MAPK8: variants seen among roughly 807,000 people sequenced by gnomAD.
The protein encoded by MAPK8 is mitogen-activated protein kinase 8, also known as JUN N-terminal kinase.
In MAPK8, 13 loss-of-function variants were observed where a neutral mutation model predicts 52.9. That is an observed-to-expected ratio of 0.25 (90% CI 0.16 to 0.39). The LOEUF (loss-of-function observed/expected upper bound fraction) is 0.39, where lower values mean the gene tolerates loss of function less well. Among genes scored for constraint, MAPK8 ranks in the 10% least tolerant of loss-of-function variants. The pLI is 1.00. For synonymous variants in MAPK8, 191 were observed against 169.8 expected (o/e 1.12, Z -0.97); for missense variants, 300 against 519.2 (o/e 0.58, Z 4.10).
rs1169167863 is a variant in MAPK8 at position 48,438,548 on chromosome 10, A to G, written c.*3519A>G. ...ATTCTCTTCGTTACTGAAACTTTTG[A>G]GAAATATTACCTGTGGATTAATTTT... On this transcript the variant is annotated 3_prime_UTR_variant, in exon 12 of 12. Transcript: ENST00000374189. 1 of 152,182 alleles carries G rather than the reference A, an allele frequency of 6.6e-6. No homozygotes were observed. The highest frequency in any genetic ancestry group is 1.9e-4 in the East Asian group (1 of 5,198). 9.4% of individuals were successfully genotyped at this position (152,182 alleles called of 1,614,324 possible).
intron 1 of MAPK8, among the ~76,000 whole-genome samples, chr10:48,367,625 T>C (rs938519569): frequency 1.3e-5 from 2 of 152,156 alleles, no homozygotes; most frequent in African/African-American, 4.8e-5. Context: ...TCTTCACTTA[T>C]GTTGAGTTGC....
At chr10:48,384,212 A>G (rs1160407355) in intron 1 of MAPK8, among the ~76,000 whole-genome samples, 2 of 152,332 alleles carry the variant, frequency 1.3e-5, no homozygotes, top group Non-Finnish European at 2.9e-5. Flanking sequence ...AGATCACGCT[A>G]GTGCACTCCA....
chr10:48,422,069 G>A (rs532754775), intron 6 of MAPK8, among the ~76,000 whole-genome samples: 2 of 151,020 alleles, frequency 1.3e-5, no homozygotes, highest in African/African-American at 4.9e-5. Context: ...GTCTCACTCT[G>A]TTGCCCAGGC....
At chr10:48,422,063 C>T (rs953024573) in intron 6 of MAPK8, among the ~76,000 whole-genome samples, 10 of 147,300 alleles carry the variant, frequency 6.8e-5, no homozygotes, top group Non-Finnish European at 1.3e-4. Context: ...GATGGAGTCT[C>T]ACTCTGTTGC....
intron 1 of MAPK8, among the ~76,000 whole-genome samples, chr10:48,330,690 C>T (rs560988794): frequency 3.1e-4 from 47 of 152,310 alleles, no homozygotes; most frequent in Non-Finnish European, 6.2e-4. Context: ...TCTCCTAGCA[C>T]GCAGGTCTCT....
At chr10:48,401,057 G>A (rs2132967966) in intron 1 of MAPK8, among the ~76,000 whole-genome samples, 1 of 152,300 alleles carries the variant, frequency 6.6e-6, no homozygotes, top group Non-Finnish European at 1.5e-5. Flanking sequence ...CCAGGAGGTT[G>A]CCTTGGCAGG....
intron 6 of MAPK8, among the ~76,000 whole-genome samples, 161 bp downstream of exon 6, chr10:48,420,481 T>A (rs574763462): frequency 6.6e-6 from 1 of 152,304 alleles, no homozygotes; most frequent in South Asian, 2.1e-4. Context: ...AATTTTTTCA[T>A]CAATGTTTGG....
intron 1 of MAPK8, among the ~76,000 whole-genome samples, chr10:48,382,728 G>A (rs2132746768): frequency 6.8e-6 from 1 of 147,460 alleles, no homozygotes; most frequent in East Asian, 2.0e-4. Context: ...AAACATAAAG[G>A]CCTTTCTTCT....
At chr10:48,426,157 C>T (rs913632955) in intron 8 of MAPK8, 87 bp downstream of exon 8, 17 of 1,215,504 alleles carry the variant, frequency 1.4e-5, no homozygotes, top group Non-Finnish European at 1.6e-5. Context: ...TATTCATATT[C>T]TTATGGGACA....
chr10:48,347,937 G>A (rs1157543567), intron 1 of MAPK8, among the ~76,000 whole-genome samples: 1 of 152,128 alleles, frequency 6.6e-6, no homozygotes, highest in African/African-American at 2.4e-5. Flanking sequence ...TGGGTCAAAT[G>A]GTGTTTCTGG....
chr10:48,370,135 A>G (rs895232982), intron 1 of MAPK8, among the ~76,000 whole-genome samples: 1 of 152,194 alleles, frequency 6.6e-6, no homozygotes, highest in Non-Finnish European at 1.5e-5. Flanking sequence ...TTACATTGTA[A>G]TGGTGAAGAG....
At chr10:48,377,839 T>G (rs1408848357) in intron 1 of MAPK8, among the ~76,000 whole-genome samples, 1 of 152,192 alleles carries the variant, frequency 6.6e-6, no homozygotes, top group African/African-American at 2.4e-5. Flanking sequence ...AAAAGTTGCT[T>G]ATCAGGAATT....
chr10:48,434,667 G>A (rs187800384), intron 11 of MAPK8, among the ~76,000 whole-genome samples: 144 of 152,274 alleles, frequency 9.5e-4, no homozygotes, highest in African/African-American at 3.4e-3. Flanking sequence ...TGAAAGGATA[G>A]GACTCCACGA....
intron 1 of MAPK8, among the ~76,000 whole-genome samples, chr10:48,393,728 A>G (rs1030599883): frequency 2.0e-5 from 3 of 152,098 alleles, no homozygotes; most frequent in Admixed American, 6.6e-5. Context: ...AAATGCTTAT[A>G]TTATAAAAAG....
At chr10:48,427,315 T>G in intron 10 of MAPK8, 172 bp downstream of exon 10, 1 of 488,800 alleles carries the variant, frequency 2.0e-6, no homozygotes, top group Non-Finnish European at 3.7e-6. Flanking sequence ...CTTAACTTAA[T>G]CTTAAGTTCC....
chr10:48,375,119 A>ACAGAAC lies in MAPK8; in HGVS notation c.-49-26490_-49-26485dup, dbSNP rs1564548050. ...CAATAAACATAATCCATCATTATAA[A>ACAGAAC]CAGAACCAATGACAAAAACCACATG... On this transcript the variant is annotated intron_variant, in intron 1 of 11. Transcript: ENST00000374189. 2.6e-5 allele frequency among the ~76,000 whole-genome samples: 4 copies of ACAGAAC among 152,350 alleles called. No homozygotes were observed. In the South Asian group the frequency reaches 8.3e-4, roughly 32 times the overall value.
chr10:48,433,317 A>C (rs1333070634), intron 11 of MAPK8, among the ~76,000 whole-genome samples: 1 of 152,232 alleles, frequency 6.6e-6, no homozygotes, highest in African/African-American at 2.4e-5. Context: ...AGAGGCATAT[A>C]TAAAAATTGT....
At chr10:48,428,215 T>TA (rs1351700899) in intron 10 of MAPK8, among the ~76,000 whole-genome samples, 3 of 152,232 alleles carry the variant, frequency 2.0e-5, no homozygotes, top group African/African-American at 7.2e-5. Context: ...CATGCTTTGA[T>TA]AGTCATGGAA....
At chr10:48,408,241 A>T (rs765685184) in intron 3 of MAPK8, among the ~76,000 whole-genome samples, 1 of 152,190 alleles carries the variant, frequency 6.6e-6, no homozygotes, top group Non-Finnish European at 1.5e-5. Flanking sequence ...TGTTTCTAAT[A>T]AGGATTCTCT....
Sources: gnomAD v4.1 joint callset for allele counts (sites outside exome capture counted in the v4.1 genomes callset) on GRCh38, gnomAD v4.1.1 for gene constraint, MANE v1.5 for transcripts, NCBI Gene and HGNC (gene_info 2026-07-23, HGNC 2026-07-21) for gene names.